The following AFG1L variants were observed in gnomAD, a reference collection of about 807,000 sequenced individuals.
AFG1L encodes AFG1 like ATPase, also known as AFG1-like ATPase.
A neutral mutation model predicts 62.2 loss-of-function variants in AFG1L; 53 were observed. That is an observed-to-expected ratio of 0.85 (90% CI 0.68 to 1.07). The LOEUF is 1.07. AFG1L is among the 50% of genes least tolerant of loss of function. The pLI is 0.00. For synonymous variants in AFG1L, 228 were observed against 210.3 expected, an observed-to-expected ratio of 1.08 and a Z score of -0.73; for missense variants, 555 against 590.5, an observed-to-expected ratio of 0.94 and a Z score of 0.62.
chr6:108,408,038 A>G (rs1582537749), intron 7 of AFG1L, among the ~76,000 whole-genome samples: 1 of 151,562 alleles, frequency 6.6e-6, no homozygotes, highest in East Asian at 1.9e-4. Context: ...TGATTATTAC[A>G]TTGAGTCTGT....
At chr6:108,296,863 C>A (rs1776785127) in intron 1 of AFG1L, among the ~76,000 whole-genome samples, 1 of 152,134 alleles carries the variant, frequency 6.6e-6, no homozygotes, top group Non-Finnish European at 1.5e-5. Context: ...CATACATTAT[C>A]TTATTATTCC....
intron 11 of AFG1L, among the ~76,000 whole-genome samples, chr6:108,515,452 C>A (rs1362944868): frequency 2.0e-5 from 3 of 151,990 alleles, no homozygotes; most frequent in South Asian, 4.1e-4. Context: ...TTGAAACCAA[C>A]GAGAACAAAG....
chr6:108,400,591 TA>T (rs1459859458), intron 6 of AFG1L, among the ~76,000 whole-genome samples: 6 of 136,092 alleles, frequency 4.4e-5, no homozygotes, highest in South Asian at 2.1e-4. Context: ...TTATAATATA[TA>T]ATTTATATAT....
chr6:108,361,422 A>G (rs1779523709), intron 5 of AFG1L, among the ~76,000 whole-genome samples: 1 of 152,252 alleles, frequency 6.6e-6, no homozygotes, highest in African/African-American at 2.4e-5. Flanking sequence ...CTCTGGTCAC[A>G]GGAAGCAGTA....
At chr6:108,440,563 C>T (rs995562697) in intron 7 of AFG1L, among the ~76,000 whole-genome samples, 2 of 151,494 alleles carry the variant, frequency 1.3e-5, no homozygotes, top group African/African-American at 2.4e-5. Flanking sequence ...CTCGACTGGG[C>T]GTGGTGGCTC....
At chr6:108,478,459 T>C (rs1428662536) in intron 10 of AFG1L, among the ~76,000 whole-genome samples, 1 of 152,154 alleles carries the variant, frequency 6.6e-6, no homozygotes, top group Non-Finnish European at 1.5e-5. Flanking sequence ...ATTTAGCACT[T>C]CAGAACCAGC....
intron 8 of AFG1L, among the ~76,000 whole-genome samples, chr6:108,476,233 A>C (rs1773099464): frequency 6.6e-6 from 1 of 152,212 alleles, no homozygotes; most frequent in African/African-American, 2.4e-5. Context: ...GACTAACTTC[A>C]TAGTAGCTGT....
chr6:108,439,646 TTC>T (rs1280387135), intron 7 of AFG1L, among the ~76,000 whole-genome samples: 3 of 152,198 alleles, frequency 2.0e-5, no homozygotes, highest in Admixed American at 1.3e-4. Flanking sequence ...TCTGGTGATA[TTC>T]TATTTCATGA....
At chr6:108,435,641 G>A (rs1183948815) in intron 7 of AFG1L, among the ~76,000 whole-genome samples, 3 of 152,164 alleles carry the variant, frequency 2.0e-5, no homozygotes, top group African/African-American at 2.4e-5. Context: ...ATATAGACTC[G>A]AGTGTGTGGC....
At position 108,445,590 on chromosome 6, in the gene AFG1L, A is replaced by G. The variant is rs940412445; in HGVS notation, c.808-1624A>G. 2.7e-5 allele frequency among the ~76,000 whole-genome samples: 4 copies of G among 150,606 alleles called. No individual in the cohort carries two copies. In the Admixed American group the frequency reaches 2.7e-4, roughly 10 times the overall value. Reference sequence around the variant, plus strand: ...TCATTGTAGGGCTATTAATCGACATAATTTCAATATTCTTGTTTCTCAGAG... The same window carrying G: ...TCATTGTAGGGCTATTAATCGACATGATTTCAATATTCTTGTTTCTCAGAG... On this transcript the variant is annotated intron_variant, in intron 7 of 12. Coordinates refer to ENST00000368977, the MANE Select transcript of AFG1L (RefSeq NM_145315.5).
chr6:108,309,428 A>C (rs1777322207), intron 1 of AFG1L, among the ~76,000 whole-genome samples: 1 of 152,158 alleles, frequency 6.6e-6, no homozygotes, highest in Admixed American at 6.6e-5. Flanking sequence ...AAGTCCTCCA[A>C]CTTTGTTCTT....
chr6:108,394,017 CTCTG>C (rs1463416962), intron 6 of AFG1L, among the ~76,000 whole-genome samples: 6 of 151,706 alleles, frequency 4.0e-5, no homozygotes, highest in Non-Finnish European at 7.4e-5. Context: ...TTCTTTCTCT[CTCTG>C]TCTTTCGCCT....
intron 7 of AFG1L, among the ~76,000 whole-genome samples, chr6:108,411,320 C>T (rs796856851): frequency 5.3e-5 from 8 of 152,344 alleles, no homozygotes; most frequent in African/African-American, 1.9e-4. Context: ...CCTCTGTAGA[C>T]TCCACCTCTG....
intron 8 of AFG1L, among the ~76,000 whole-genome samples, chr6:108,452,692 C>G (rs1350518115): frequency 6.6e-6 from 1 of 152,182 alleles, no homozygotes; most frequent in Non-Finnish European, 1.5e-5. Context: ...GTCAGAGACA[C>G]AGGATCTTAT....
chr6:108,444,757 T>A (rs1401959131), intron 7 of AFG1L, among the ~76,000 whole-genome samples: 2 of 152,232 alleles, frequency 1.3e-5, no homozygotes, highest in Non-Finnish European at 2.9e-5. Context: ...TGTAAACAGA[T>A]GTGCTGCCAT....
intron 5 of AFG1L, 37 bp from the exon 6 acceptor site, chr6:108,366,196 T>C: frequency 7.6e-7 from 1 of 1,320,688 alleles, no homozygotes. Context: ...ACAGCAGAAG[T>C]GAAATTAAAA....
intron 5 of AFG1L, among the ~76,000 whole-genome samples, chr6:108,358,778 C>T (rs1779401103): frequency 6.6e-6 from 1 of 152,206 alleles, no homozygotes; most frequent in Non-Finnish European, 1.5e-5. Flanking sequence ...AGGTGATCCA[C>T]CCGCCTCAGC....
chr6:108,304,246 T>C (rs643427), intron 1 of AFG1L, among the ~76,000 whole-genome samples: 25,858 of 152,216 alleles, frequency 0.17, 2,670 homozygotes, highest in South Asian at 0.3. Flanking sequence ...AATTAAGATT[T>C]GATTTTCTTC....
chr6:108,411,746 C>G (rs763726547), intron 7 of AFG1L, among the ~76,000 whole-genome samples: 4 of 152,134 alleles, frequency 2.6e-5, no homozygotes, highest in Non-Finnish European at 5.9e-5. Context: ...ACACCAAAAC[C>G]CCATCTGTAT....
Sources: gnomAD v4.1 joint callset for allele counts (sites outside exome capture counted in the v4.1 genomes callset) on GRCh38, gnomAD v4.1.1 for gene constraint, MANE v1.5 for transcripts, NCBI Gene and HGNC (gene_info 2026-07-23, HGNC 2026-07-21) for gene names.